The following RFX3 variants were observed in gnomAD, a reference collection of about 807,000 sequenced individuals.
RFX3 encodes the protein regulatory factor X3.
Under a neutral mutation model 98.6 loss-of-function variants are expected in RFX3, and 14 were observed. The ratio of observed to expected loss-of-function variants is 0.14; its 90% CI spans 0.09 to 0.22. RFX3 has a LOEUF of 0.22. Among genes scored for constraint, RFX3 ranks in the 10% least tolerant of loss-of-function variants. The pLI, the probability that RFX3 is intolerant of heterozygous loss-of-function variation, is 1.00. For synonymous variants in RFX3, 383 were observed against 328.4 expected (o/e 1.17, Z -1.80); for missense variants, 639 against 926.9 (o/e 0.69, Z 4.03).
intron 11 of RFX3, among the ~76,000 whole-genome samples, chr9:3,268,895 T>C (rs1824008986): frequency 6.6e-6 from 1 of 151,960 alleles, no homozygotes; most frequent in Admixed American, 6.6e-5. Context: ...CCTTCTTTTA[T>C]CTCATGAGAA....
chr9:3,436,567 T>C (rs1340567273), intron 1 of RFX3, among the ~76,000 whole-genome samples: 1 of 152,122 alleles, frequency 6.6e-6, no homozygotes, highest in African/African-American at 2.4e-5. Flanking sequence ...AGCAAAACAT[T>C]TGTCATCAAT....
At chr9:3,294,346 A>G (rs1319503148) in intron 5 of RFX3, among the ~76,000 whole-genome samples, 2 of 152,124 alleles carry the variant, frequency 1.3e-5, no homozygotes, top group African/African-American at 4.8e-5. Context: ...GGTGTAATAA[A>G]GAGCTGACAT....
At chr9:3,404,814 C>T (rs1841812885) in intron 1 of RFX3, among the ~76,000 whole-genome samples, 1 of 152,072 alleles carries the variant, frequency 6.6e-6, no homozygotes, top group African/African-American at 2.4e-5. Flanking sequence ...TCTTCTTTTT[C>T]CTTGATAATA....
chr9:3,474,124 A>C (rs1849014847), intron 1 of RFX3, among the ~76,000 whole-genome samples: 1 of 152,182 alleles, frequency 6.6e-6, no homozygotes, highest in East Asian at 1.9e-4. Context: ...CAAGTGTCTC[A>C]ATTTTTTAAT....
chr9:3,466,940 G>C (rs1441292844), intron 1 of RFX3, among the ~76,000 whole-genome samples: 2 of 149,668 alleles, frequency 1.3e-5, no homozygotes, highest in Non-Finnish European at 3.0e-5. Flanking sequence ...AACCCCCGGA[G>C]GTATTCATAT....
chr9:3,409,332 A>G (rs575739783), intron 1 of RFX3, among the ~76,000 whole-genome samples: 19 of 152,344 alleles, frequency 1.2e-4, no homozygotes, highest in African/African-American at 4.1e-4. Context: ...TTGGATGAAC[A>G]TGTTGCTTCC....
chr9:3,374,327 T>A (rs995704883), intron 2 of RFX3, among the ~76,000 whole-genome samples: 1 of 152,162 alleles, frequency 6.6e-6, no homozygotes, highest in African/African-American at 2.4e-5. Flanking sequence ...CTTCTCAGTA[T>A]ATACTCAAAA....
intron 1 of RFX3, among the ~76,000 whole-genome samples, chr9:3,451,002 G>C (rs1358637618): frequency 6.6e-6 from 1 of 152,150 alleles, no homozygotes; most frequent in African/African-American, 2.4e-5. Flanking sequence ...GACTTCCATG[G>C]AGAAAAAGCT....
chr9:3,426,613 C>T (rs956228455), intron 1 of RFX3, among the ~76,000 whole-genome samples: 25 of 152,132 alleles, frequency 1.6e-4, no homozygotes, highest in African/African-American at 5.3e-4. Context: ...TGAGCTCTGC[C>T]TCCTGTCAGA....
intron 1 of RFX3, among the ~76,000 whole-genome samples, chr9:3,504,786 A>T (rs1306382407): frequency 3.3e-5 from 3 of 90,564 alleles, no homozygotes; most frequent in Admixed American, 1.6e-4. Context: ...ATTGTATATA[A>T]AATATATATT....
intron 1 of RFX3, among the ~76,000 whole-genome samples, chr9:3,398,918 A>AT (rs201870398): frequency 6.9e-4 from 93 of 134,942 alleles, no homozygotes; most frequent in African/African-American, 3.0e-3. Context: ...GTATAATAAA[A>AT]AAAAAAAAAA....
chr9:3,521,182 A>C (rs1395691314), intron 1 of RFX3, among the ~76,000 whole-genome samples: 1 of 152,202 alleles, frequency 6.6e-6, no homozygotes, highest in Non-Finnish European at 1.5e-5. Flanking sequence ...ATATCGCCAA[A>C]TAGTATGATT....
At chr9:3,415,208 T>TAC in intron 1 of RFX3, among the ~76,000 whole-genome samples, 1 of 129,018 alleles carries the variant, frequency 7.8e-6, no homozygotes, top group South Asian at 2.2e-4. Context: ...TATATATATA[T>TAC]ACATACTCAT....
intron 3 of RFX3, among the ~76,000 whole-genome samples, chr9:3,339,576 G>A (rs989980908): frequency 6.6e-6 from 1 of 152,138 alleles, no homozygotes; most frequent in Admixed American, 6.6e-5. Context: ...ATCATTCAAT[G>A]CTAATCTTTA....
intron 9 of RFX3, 36 bp downstream of exon 9, chr9:3,275,464 C>T: frequency 8.3e-7 from 1 of 1,201,328 alleles, no homozygotes; most frequent in South Asian, 1.3e-5. Flanking sequence ...CTGGCAAAAC[C>T]TAGCATGTGT....
chr9:3,517,314 C>G (rs978371902), intron 1 of RFX3, among the ~76,000 whole-genome samples: 1 of 152,184 alleles, frequency 6.6e-6, no homozygotes, highest in African/African-American at 2.4e-5. Flanking sequence ...TTTATTTTCT[C>G]TTTAACCTCC....
chr9:3,249,561 G>A (rs1821112391), intron 14 of RFX3, among the ~76,000 whole-genome samples: 1 of 152,130 alleles, frequency 6.6e-6, no homozygotes, highest in Non-Finnish European at 1.5e-5. Flanking sequence ...CACAGAATAG[G>A]AGAAGCTGAC....
chr9:3,234,522 T>C (rs561472909), intron 15 of RFX3, among the ~76,000 whole-genome samples: 1 of 152,248 alleles, frequency 6.6e-6, no homozygotes, highest in South Asian at 2.1e-4. Flanking sequence ...ACGCCTGTAG[T>C]CCCAGCTAGT....
At chr9:3,514,578 G>T (rs1817967409) in intron 1 of RFX3, among the ~76,000 whole-genome samples, 1 of 151,920 alleles carries the variant, frequency 6.6e-6, no homozygotes, top group African/African-American at 2.4e-5. Context: ...AGTCCTGAGG[G>T]GGTGGTACTA....
Sources: gnomAD v4.1 joint callset for allele counts (sites outside exome capture counted in the v4.1 genomes callset) on GRCh38, gnomAD v4.1.1 for gene constraint, MANE v1.5 for transcripts, NCBI Gene and HGNC (gene_info 2026-07-23, HGNC 2026-07-21) for gene names.